Variants in ANKS1B observed in about 807,000 individuals in gnomAD.
ANKS1B encodes ankyrin repeat and sterile alpha motif domain containing 1B, also known as ankyrin repeat and sterile alpha motif domain-containing protein 1B.
A neutral mutation model predicts 148.3 loss-of-function variants in ANKS1B; 36 were observed. The ratio of observed to expected loss-of-function variants is 0.24; its 90% CI spans 0.19 to 0.32. The LOEUF is 0.32. Among genes scored for constraint, ANKS1B ranks in the 10% least tolerant of loss-of-function variants. ANKS1B has a pLI of 1.00. For synonymous variants in ANKS1B, 542 were observed against 560.8 expected, an observed-to-expected ratio of 0.97 and a Z score of 0.47; for missense variants, 1,157 against 1,542.6, an observed-to-expected ratio of 0.75 and a Z score of 4.19.
chr12:98,890,018 G>C (rs942632152), intron 17 of ANKS1B, among the ~76,000 whole-genome samples: 5 of 152,176 alleles, frequency 3.3e-5, no homozygotes, highest in Admixed American at 6.5e-5. Flanking sequence ...CGAGAGGAAA[G>C]AAGAAATTAG....
At chr12:99,059,788 C>CATATATATATATATATATATACAT (rs759625732) in intron 16 of ANKS1B, among the ~76,000 whole-genome samples, 3 of 90,322 alleles carry the variant, frequency 3.3e-5, no homozygotes, top group Non-Finnish European at 6.4e-5. Context: ...AACTAAAATT[C>CATATATATATATATATATATACAT]ATATATATAT....
intron 17 of ANKS1B, among the ~76,000 whole-genome samples, chr12:98,984,594 G>C (rs1466249653): frequency 6.6e-6 from 1 of 152,062 alleles, no homozygotes; most frequent in African/African-American, 2.4e-5. Context: ...CTAGCTATTT[G>C]GCCACTACAT....
At chr12:99,701,637 G>C (rs1452128064) in intron 8 of ANKS1B, among the ~76,000 whole-genome samples, 3 of 151,570 alleles carry the variant, frequency 2.0e-5, no homozygotes, top group African/African-American at 7.3e-5. Context: ...CTTATTCATT[G>C]TATCTAACCA....
intron 14 of ANKS1B, among the ~76,000 whole-genome samples, chr12:99,200,539 A>G (rs1182495485): frequency 6.6e-6 from 1 of 152,190 alleles, no homozygotes; most frequent in Non-Finnish European, 1.5e-5. Flanking sequence ...TGTCATTGGC[A>G]CTTAAATTTT....
intron 8 of ANKS1B, among the ~76,000 whole-genome samples, chr12:99,725,380 T>C (rs1159400823): frequency 6.6e-6 from 1 of 152,038 alleles, no homozygotes; most frequent in Admixed American, 6.6e-5. Flanking sequence ...AAAACAGACT[T>C]TAAACCAACA....
chr12:99,887,816 C>A (rs1565930863), intron 1 of ANKS1B, among the ~76,000 whole-genome samples: 1 of 152,180 alleles, frequency 6.6e-6, no homozygotes, highest in Non-Finnish European at 1.5e-5. Context: ...AGTTAAACTT[C>A]CATAGTGGAC....
chr12:99,446,677 G>A lies in ANKS1B; in HGVS notation c.1439-2868C>T, dbSNP rs141964098. Reference sequence around the variant, plus strand: ...GTTCATAGAAACATAGCCTGAAGAAGATCGGCATAGTTGAGGTAGGAGCAC... The same window carrying A: ...GTTCATAGAAACATAGCCTGAAGAAAATCGGCATAGTTGAGGTAGGAGCAC... On this transcript the variant is annotated intron_variant, in intron 10 of 26. Transcript: ENST00000683438. 3.4e-3 allele frequency among the ~76,000 whole-genome samples: 520 copies of A among 152,144 alleles called. 3 individuals are homozygous for A. Among genetic ancestry groups the A allele is most frequent in the African/African-American group, 0.012 (511 of 41,518 alleles).
intron 12 of ANKS1B, among the ~76,000 whole-genome samples, chr12:99,319,402 T>C (rs1167896521): frequency 6.6e-6 from 1 of 152,222 alleles, no homozygotes; most frequent in Admixed American, 6.5e-5. Context: ...TCTTGTTGAA[T>C]TGATCCCTTT....
At chr12:99,236,936 C>T (rs2088088519) in intron 14 of ANKS1B, among the ~76,000 whole-genome samples, 1 of 152,046 alleles carries the variant, frequency 6.6e-6, no homozygotes, top group Admixed American at 6.6e-5. Context: ...ACAACACACG[C>T]TGATATCTTT....
chr12:99,265,913 C>G (rs7137220), intron 12 of ANKS1B, among the ~76,000 whole-genome samples: 48,906 of 152,100 alleles, frequency 0.32, 9,375 homozygotes, highest in African/African-American at 0.54. Flanking sequence ...CTTCAATCCA[C>G]TTCACTTTGC....
chr12:99,613,685 C>T (rs1005342985), intron 9 of ANKS1B, among the ~76,000 whole-genome samples: 2 of 151,940 alleles, frequency 1.3e-5, no homozygotes, highest in Non-Finnish European at 2.9e-5. Context: ...GAGAACAACG[C>T]ACACTGGGGC....
intron 9 of ANKS1B, among the ~76,000 whole-genome samples, chr12:99,533,976 C>A (rs772428450): frequency 1.5e-4 from 23 of 152,242 alleles, no homozygotes; most frequent in Admixed American, 2.6e-4. Context: ...ACCTTCCAAT[C>A]CCTGTGCTAT....
intron 12 of ANKS1B, among the ~76,000 whole-genome samples, chr12:99,302,594 G>T (rs1005059183): frequency 6.6e-6 from 1 of 152,052 alleles, no homozygotes. Flanking sequence ...GATATGTTAG[G>T]CACATGAATT....
intron 8 of ANKS1B, among the ~76,000 whole-genome samples, chr12:99,758,228 A>C (rs572868979): frequency 1.3e-5 from 2 of 152,112 alleles, no homozygotes; most frequent in South Asian, 4.1e-4. Flanking sequence ...AGAAAGGAAC[A>C]AAAACATTGG....
intron 12 of ANKS1B, among the ~76,000 whole-genome samples, chr12:99,394,102 G>A (rs1056280903): frequency 1.1e-4 from 17 of 152,080 alleles, no homozygotes; most frequent in Non-Finnish European, 2.4e-4. Context: ...TACCTCCTTT[G>A]TCCACTCACT....
intron 9 of ANKS1B, among the ~76,000 whole-genome samples, chr12:98,736,399 G>A (rs1310245593): frequency 3.9e-5 from 6 of 152,310 alleles, no homozygotes; most frequent in African/African-American, 1.4e-4. Context: ...ATGATGCAAG[G>A]TTTTAGCCTG....
chr12:99,193,374 T>G (rs924101274), intron 14 of ANKS1B, among the ~76,000 whole-genome samples: 17 of 152,264 alleles, frequency 1.1e-4, no homozygotes, highest in African/African-American at 4.1e-4. Context: ...ACCCAGAAAC[T>G]AAGAAAAATC....
At chr12:99,159,451 T>A (rs2076413252) in intron 14 of ANKS1B, among the ~76,000 whole-genome samples, 1 of 152,118 alleles carries the variant, frequency 6.6e-6, no homozygotes, top group Non-Finnish European at 1.5e-5. Flanking sequence ...AATATTTAGC[T>A]CCCACTTATA....
intron 17 of ANKS1B, among the ~76,000 whole-genome samples, chr12:98,978,835 G>A (rs746817047): frequency 2.6e-5 from 4 of 151,990 alleles, no homozygotes; most frequent in Non-Finnish European, 5.9e-5. Flanking sequence ...AAATAGCTAA[G>A]TCTTTTAAAT....
Sources: gnomAD v4.1 joint callset for allele counts (sites outside exome capture counted in the v4.1 genomes callset) on GRCh38, gnomAD v4.1.1 for gene constraint, MANE v1.5 for transcripts, NCBI Gene and HGNC (gene_info 2026-07-23, HGNC 2026-07-21) for gene names.